Variants in GPC6 observed in about 807,000 individuals in gnomAD.
The protein encoded by GPC6 is glypican-6.
GPC6 carries 14 observed loss-of-function variants against 55.2 expected under a neutral mutation model. The ratio of observed to expected loss-of-function variants is 0.25; its 90% CI spans 0.17 to 0.40. The LOEUF is 0.40. Ranked by LOEUF, GPC6 falls within the 10% of genes least tolerant of loss-of-function variation. GPC6 has a pLI of 1.00. For synonymous variants in GPC6, 278 were observed against 259.6 expected (o/e 1.07, Z -0.68); for missense variants, 641 against 708.5 (o/e 0.90, Z 1.08).
intron 1 of GPC6, among the ~76,000 whole-genome samples, chr13:93,474,386 T>C (rs181516981): frequency 5.3e-5 from 8 of 152,292 alleles, no homozygotes; most frequent in African/African-American, 1.9e-4. Flanking sequence ...TAAAAATGTT[T>C]GTGGTTACTT....
At chr13:93,502,157 A>G (rs10508006) in intron 1 of GPC6, among the ~76,000 whole-genome samples, 67,655 of 151,720 alleles carry the variant, frequency 0.45, 16,336 homozygotes, top group Middle Eastern at 0.59. Flanking sequence ...CAAGGTAACA[A>G]TGTAGATCCC....
At chr13:93,351,122 A>C (rs1272555795) in intron 1 of GPC6, among the ~76,000 whole-genome samples, 2 of 152,168 alleles carry the variant, frequency 1.3e-5, no homozygotes, top group Non-Finnish European at 2.9e-5. Context: ...TTCTATAATA[A>C]AACAGTGGTA....
chr13:93,578,548 T>C (rs1876778350), intron 2 of GPC6, among the ~76,000 whole-genome samples: 1 of 151,884 alleles, frequency 6.6e-6, no homozygotes, highest in African/African-American at 2.4e-5. Flanking sequence ...ATGTCTCTTA[T>C]TTTCATTTTT....
chr13:93,262,653 T>A (rs370525802), intron 1 of GPC6, among the ~76,000 whole-genome samples: 1 of 152,242 alleles, frequency 6.6e-6, no homozygotes, highest in South Asian at 2.1e-4. Flanking sequence ...GATGTTTTTC[T>A]ACTTAATTTA....
chr13:93,789,487 C>A, intron 2 of GPC6, among the ~76,000 whole-genome samples: 1 of 63,200 alleles, frequency 1.6e-5, no homozygotes, highest in Non-Finnish European at 3.1e-5. Context: ...AGTGAACTCT[C>A]TCTCTCTCTC....
At chr13:93,588,813 T>C (rs556828246) in intron 2 of GPC6, among the ~76,000 whole-genome samples, 18 of 152,262 alleles carry the variant, frequency 1.2e-4, no homozygotes, top group African/African-American at 4.1e-4. Context: ...GGAGATTACA[T>C]TTCAACATGA....
chr13:93,980,434 A>G (rs141438119), intron 3 of GPC6, among the ~76,000 whole-genome samples: 20 of 152,176 alleles, frequency 1.3e-4, no homozygotes, highest in Non-Finnish European at 8.8e-5. Context: ...TTAACAGCTT[A>G]GGACTTCCTA....
At chr13:93,464,136 C>T (rs181616409) in intron 1 of GPC6, among the ~76,000 whole-genome samples, 68 of 152,238 alleles carry the variant, frequency 4.5e-4, no homozygotes, top group African/African-American at 1.3e-3. Context: ...TGATAATGAT[C>T]GTCTGATCCT....
At chr13:94,216,561 A>G (rs1459756917) in intron 4 of GPC6, among the ~76,000 whole-genome samples, 1 of 152,236 alleles carries the variant, frequency 6.6e-6, no homozygotes. Context: ...AATGTGACAC[A>G]TAGAAGACTT....
intron 3 of GPC6, among the ~76,000 whole-genome samples, chr13:93,905,897 A>T (rs1459182522): frequency 1.3e-5 from 2 of 152,230 alleles, no homozygotes; most frequent in Admixed American, 1.3e-4. Context: ...ATCACCCATG[A>T]ATGGTGGTGC....
chr13:93,306,105 T>C (rs1427209301), intron 1 of GPC6, among the ~76,000 whole-genome samples: 3 of 152,260 alleles, frequency 2.0e-5, no homozygotes, highest in East Asian at 3.9e-4. Flanking sequence ...AATTATGCAG[T>C]GGGGTACTGA....
At position 93,660,800 on chromosome 13, in the gene GPC6, C is replaced by G. The variant is rs143876759; in HGVS notation, c.319+115379C>G. On this transcript the variant is annotated intron_variant, in intron 2 of 8. Transcript: ENST00000377047. Reference sequence around the variant, plus strand: ...TTCCAGGAGATTGCCTTAATTTACACTGGATCTTTAGAAGGGACTTGACAG... The same window carrying G: ...TTCCAGGAGATTGCCTTAATTTACAGTGGATCTTTAGAAGGGACTTGACAG... Among the ~76,000 whole-genome samples the G allele has an allele frequency of 2.6e-5, 4 of 152,302 alleles. No homozygotes were observed. The East Asian group carries it at 7.7e-4, about 29-fold the overall frequency.
At chr13:93,316,375 A>G (rs1212566671) in intron 1 of GPC6, among the ~76,000 whole-genome samples, 1 of 152,072 alleles carries the variant, frequency 6.6e-6, no homozygotes, top group African/African-American at 2.4e-5. Flanking sequence ...CATGCTTTTC[A>G]TACACATCAA....
At chr13:93,695,671 A>G (rs1882426155) in intron 2 of GPC6, among the ~76,000 whole-genome samples, 1 of 152,100 alleles carries the variant, frequency 6.6e-6, no homozygotes, top group East Asian at 1.9e-4. Flanking sequence ...AAAATGCAAA[A>G]TAGTGTAAGA....
At chr13:93,757,116 C>A (rs1278914973) in intron 2 of GPC6, among the ~76,000 whole-genome samples, 2 of 152,180 alleles carry the variant, frequency 1.3e-5, no homozygotes, top group African/African-American at 4.8e-5. Context: ...TAATTCCCCA[C>A]ATGGAAATTA....
At chr13:93,663,621 T>C (rs988489990) in intron 2 of GPC6, among the ~76,000 whole-genome samples, 1 of 152,236 alleles carries the variant, frequency 6.6e-6, no homozygotes, top group Non-Finnish European at 1.5e-5. Flanking sequence ...CTTTTGTTAA[T>C]GTAAAATTGT....
chr13:94,395,687 T>C (rs1201323152), intron 7 of GPC6, among the ~76,000 whole-genome samples: 1 of 152,246 alleles, frequency 6.6e-6, no homozygotes, highest in Non-Finnish European at 1.5e-5. Context: ...AGCATATGGA[T>C]ATTATGCAAG....
At chr13:94,269,490 TA>T (rs1430716804) in intron 4 of GPC6, among the ~76,000 whole-genome samples, 1 of 152,230 alleles carries the variant, frequency 6.6e-6, no homozygotes, top group Non-Finnish European at 1.5e-5. Flanking sequence ...AAGCTAGAAG[TA>T]AAGGTCAAGT....
At chr13:93,694,723 C>T (rs866799444) in intron 2 of GPC6, among the ~76,000 whole-genome samples, 1 of 152,166 alleles carries the variant, frequency 6.6e-6, no homozygotes, top group African/African-American at 2.4e-5. Context: ...GCAGTATCAG[C>T]ACCTTTAGGT....
Sources: allele counts gnomAD v4.1 joint callset (sites outside exome capture counted in the v4.1 genomes callset), GRCh38; gene constraint gnomAD v4.1.1; transcripts MANE v1.5; gene names NCBI Gene and HGNC (gene_info 2026-07-23, HGNC 2026-07-21).